The following ELOC variants were observed in gnomAD, a reference collection of about 807,000 sequenced individuals.
The protein encoded by ELOC is elongin C.
For missense variants in ELOC, 38 were observed against 139.0 expected, an observed-to-expected ratio of 0.27 and a Z score of 3.65; for synonymous variants, 40 against 51.3, an observed-to-expected ratio of 0.78 and a Z score of 0.94.
At chr8:73,967,480 T>TA (rs1267284280) in intron 1 of ELOC, among the ~76,000 whole-genome samples, 1 of 151,212 alleles carries the variant, frequency 6.6e-6, no homozygotes, top group Admixed American at 6.6e-5. Context: ...TTTTTTTTTT[T>TA]TTTTGAGACA....
intron 1 of ELOC, among the ~76,000 whole-genome samples, chr8:73,964,320 G>C (rs946779662): frequency 6.6e-6 from 1 of 150,480 alleles, no homozygotes. Flanking sequence ...AGGTCAAAGC[G>C]TATGGTGAGA....
rs1412452356 is a variant in ELOC, at chr8:73,968,557, T to C, written c.-51+3520A>G. Reference sequence around the variant, plus strand: ...TAACAGAACCTTTCGAAAGATAGGCTAAAAATAAACTGAAACCAATCACTT... The same window carrying C: ...TAACAGAACCTTTCGAAAGATAGGCCAAAAATAAACTGAAACCAATCACTT... On this transcript the variant is annotated intron_variant, in intron 1 of 3. Transcript: ENST00000520242. 8.5e-5 allele frequency among the ~76,000 whole-genome samples: 13 copies of C among 152,358 alleles called. No individual in the cohort carries two copies. In the East Asian group the frequency reaches 2.3e-3, roughly 27 times the overall value.
At chr8:73,963,204 T>A (rs1474551330) in intron 1 of ELOC, among the ~76,000 whole-genome samples, 1 of 152,164 alleles carries the variant, frequency 6.6e-6, no homozygotes, top group Non-Finnish European at 1.5e-5. Flanking sequence ...AAAATCTAGG[T>A]GAGCCTAGGG....
Position 73,951,759 on chromosome 8 carries a change from G to A in ELOC, c.148+4152C>T, listed in dbSNP as rs117266587. ...ATCTTGAAACAGAAAAACAAAGTTGGAGGCCTCATACTTTCTGATTTTGAA... is the reference window on the plus strand; with the variant it reads ...ATCTTGAAACAGAAAAACAAAGTTGAAGGCCTCATACTTTCTGATTTTGAA... On this transcript the variant is annotated intron_variant, in intron 3 of 3. Transcript: ENST00000520242. Among the ~76,000 whole-genome samples, 59 of 152,252 alleles carry A rather than the reference G, an allele frequency of 3.9e-4. 1 individual carries two copies. In the East Asian group the frequency reaches 0.011, roughly 28 times the overall value.
intron 3 of ELOC, among the ~76,000 whole-genome samples, chr8:73,948,394 G>A (rs1813522783): frequency 6.6e-6 from 1 of 152,068 alleles, no homozygotes; most frequent in Admixed American, 6.6e-5. Context: ...GGATCCCTGT[G>A]TTGTACTGAA....
In ELOC at chr8:73,950,870, AAG is replaced by A. The variant is rs1467983867; in HGVS notation, c.149-4052_149-4051del. 5.3e-5 allele frequency among the ~76,000 whole-genome samples: 8 copies of A among 152,358 alleles called. No individual in the cohort carries two copies. The East Asian group carries it at 1.5e-3, about 29-fold the overall frequency. ...AAATTAATGGCCTGCCTGGAAATAA[AAG>A]AAAAGGTGCAGGGGAACTATTGCAG... On this transcript the variant is annotated intron_variant, in intron 3 of 3. Transcript: ENST00000520242.
intron 1 of ELOC, among the ~76,000 whole-genome samples, chr8:73,962,728 C>A (rs1351639673): frequency 2.6e-5 from 4 of 152,076 alleles, no homozygotes; most frequent in Non-Finnish European, 5.9e-5. Flanking sequence ...TCTTAGGAGC[C>A]CTTTGGGTAG....
rs780860444 is a variant in ELOC, at chr8:73,957,574, A to G, written c.5-1520T>C. On this transcript the variant is annotated intron_variant, in intron 2 of 3. Transcript: ENST00000520242. ...AACAATTAATTCAGAAATCTCTAAA[A>G]TTAAAATTAGTATCAAAATCACTCA... Among the ~76,000 whole-genome samples the G allele has an allele frequency of 2.8e-4, 43 of 152,338 alleles. 1 individual carries two copies. Among genetic ancestry groups the G allele is most frequent in the Middle Eastern group, 3.4e-3 (1 of 294 alleles).
rs1813347725 is a variant in ELOC at position 73,945,841 on chromosome 8, C to T, written c.*789G>A. 6.6e-6 allele frequency: 1 copy of T among 152,120 alleles called. No individual in the cohort carries two copies. The highest frequency in any genetic ancestry group is 1.5e-5 in the Non-Finnish European group (1 of 68,006). The allele number at this position is 152,120 out of a possible 1,614,324, so 9.4% of individuals were successfully genotyped here. ...GTGAGTCTTTTAAAATACATTTAAA[C>T]AACTGGAAGTATAATCACAACAAGG... On this transcript the variant is annotated 3_prime_UTR_variant, in exon 4 of 4. Coordinates refer to ENST00000520242, the MANE Select transcript of ELOC (RefSeq NM_005648.4).
chr8:73,955,863 C>T (rs1586602656), intron 3 of ELOC, 48 bp downstream of exon 3: 1 of 1,549,402 alleles, frequency 6.5e-7, no homozygotes, highest in Non-Finnish European at 8.8e-7. Context: ...AAACATCCAT[C>T]AAACATTAAA....
At chr8:73,955,815 ATTTT>A in intron 3 of ELOC, 92 bp downstream of exon 3, 1 of 1,317,650 alleles carries the variant, frequency 7.6e-7, no homozygotes, top group Non-Finnish European at 1.1e-6. Flanking sequence ...TAGAAGACTT[ATTTT>A]CTCTTTAAAT....
intron 3 of ELOC, 145 bp downstream of exon 3, chr8:73,955,766 C>T: frequency 1.0e-6 from 1 of 1,001,914 alleles, no homozygotes; most frequent in South Asian, 1.6e-5. Flanking sequence ...CTCTGTCTCT[C>T]TCAAACAAAA....
intron 1 of ELOC, among the ~76,000 whole-genome samples, chr8:73,970,992 T>C (rs1373558756): frequency 1.7e-5 from 2 of 117,816 alleles, no homozygotes; most frequent in Non-Finnish European, 3.3e-5. Flanking sequence ...CGAGATCAAG[T>C]CACTGCACTC....
chr8:73,952,499 G>A (rs896733298), intron 3 of ELOC, among the ~76,000 whole-genome samples: 1 of 149,660 alleles, frequency 6.7e-6, no homozygotes, highest in Non-Finnish European at 1.5e-5. Context: ...AAAAAAGACT[G>A]GCCAGGTGCG....
chr8:73,956,853 C>A (rs1024191455), intron 2 of ELOC, among the ~76,000 whole-genome samples: 6 of 152,020 alleles, frequency 3.9e-5, no homozygotes, highest in Non-Finnish European at 8.8e-5. Context: ...AAATAATGAT[C>A]AAGTATGTAT....
intron 1 of ELOC, among the ~76,000 whole-genome samples, chr8:73,967,468 CT>C (rs201615321): frequency 1.2e-3 from 164 of 135,834 alleles, no homozygotes; most frequent in African/African-American, 1.2e-3. Context: ...ATTTTCTTTT[CT>C]TTTTTTTTTT....
chr8:73,970,991 G>A (rs183623429), intron 1 of ELOC, among the ~76,000 whole-genome samples: 1 of 126,032 alleles, frequency 7.9e-6, no homozygotes, highest in Non-Finnish European at 1.6e-5. Flanking sequence ...CCGAGATCAA[G>A]TCACTGCACT....
At position 73,945,545 on chromosome 8, in the gene ELOC, G is replaced by C. The variant is rs984822889; in HGVS notation, c.*1085C>G. On this transcript the variant is annotated 3_prime_UTR_variant, in exon 4 of 4. Coordinates refer to ENST00000520242, the MANE Select transcript of ELOC (RefSeq NM_005648.4). Reference sequence around the variant, plus strand: ...CAGTGCTTCTTTCCCCATGCATAAGGAATGATGCTGTCATATTTTTTCAAA... The same window carrying C: ...CAGTGCTTCTTTCCCCATGCATAAGCAATGATGCTGTCATATTTTTTCAAA... 1 of 152,086 alleles carries C rather than the reference G, an allele frequency of 6.6e-6. No individual in the cohort carries two copies. Among genetic ancestry groups the C allele is most frequent in the Admixed American group, 6.6e-5 (1 of 15,256 alleles). 9.4% of individuals were successfully genotyped at this position (152,086 alleles called of 1,614,324 possible).
At chr8:73,949,467 A>G (rs149901449) in intron 3 of ELOC, among the ~76,000 whole-genome samples, 7 of 152,370 alleles carry the variant, frequency 4.6e-5, no homozygotes, top group East Asian at 3.9e-4. Flanking sequence ...TATATTTACA[A>G]TGTTGTGCAA....
Sources: gnomAD v4.1 joint callset for allele counts (sites outside exome capture counted in the v4.1 genomes callset) on GRCh38, gnomAD v4.1.1 for gene constraint, MANE v1.5 for transcripts, NCBI Gene and HGNC (gene_info 2026-07-23, HGNC 2026-07-21) for gene names.